The following L3MBTL3 variants were observed in gnomAD, a reference collection of about 807,000 sequenced individuals.
L3MBTL3 encodes the protein L3MBTL histone methyl-lysine binding protein 3.
A neutral mutation model predicts 102.3 loss-of-function variants in L3MBTL3; 27 were observed. The observed-to-expected ratio is 0.26, with a 90% CI of 0.19 to 0.36. The LOEUF is 0.36. Ranked by LOEUF, L3MBTL3 falls within the 10% of genes least tolerant of loss-of-function variation. The pLI is 1.00. For missense variants in L3MBTL3, 798 were observed against 955.3 expected (o/e 0.84, Z 2.17); for synonymous variants, 340 against 320.9 (o/e 1.06, Z -0.64).
rs140855410 is a variant in L3MBTL3, at chr6:130,139,763, A to G, written c.*10A>G. ...TCACAATGAACTTTGAAGATGGTGA[A>G]TTCTGAATACCATCAGCATTCTGCT... On this transcript the variant is annotated 3_prime_UTR_variant, in exon 23 of 23. Coordinates refer to ENST00000361794, the MANE Select transcript of L3MBTL3 (RefSeq NM_032438.4). The G allele has an allele frequency of 2.2e-3, 3,578 of 1,611,116 alleles. 19 individuals carry two copies. The highest frequency in any genetic ancestry group is 1.5e-3 in the Non-Finnish European group (1,743 of 1,178,486).
chr6:130,071,614 T>C (rs1412435285), intron 13 of L3MBTL3, among the ~76,000 whole-genome samples: 2 of 152,068 alleles, frequency 1.3e-5, no homozygotes, highest in Admixed American at 6.6e-5. Flanking sequence ...ATAAGGATTT[T>C]TCATACCAAA....
intron 19 of L3MBTL3, among the ~76,000 whole-genome samples, chr6:130,112,577 G>A (rs151168150): frequency 3.2e-4 from 48 of 152,120 alleles, no homozygotes; most frequent in African/African-American, 1.1e-3. Context: ...TGTTTGTGTC[G>A]AACACCAAAG....
chr6:130,121,071 T>A (rs1221041151), intron 20 of L3MBTL3, 113 bp downstream of exon 20: 1 of 711,550 alleles, frequency 1.4e-6, no homozygotes, highest in Non-Finnish European at 2.3e-6. Flanking sequence ...TTTTATTTTT[T>A]ATTTTTATTG....
intron 19 of L3MBTL3, among the ~76,000 whole-genome samples, chr6:130,117,874 T>G (rs1785832942): frequency 7.2e-6 from 1 of 139,852 alleles, no homozygotes; most frequent in Non-Finnish European, 1.6e-5. Flanking sequence ...TTTTTTTTTT[T>G]TTTTTTTTTT....
rs372026324 is a variant in L3MBTL3 at position 130,092,878 on chromosome 6, T to G, written c.1633+19T>G. 4.3e-6 allele frequency: 6 copies of G among 1,404,840 alleles called. No homozygotes were observed. In the African/African-American group the frequency reaches 8.5e-5, roughly 20 times the overall value. The allele number at this position is 1,404,840 out of a possible 1,614,324, so 87.0% of individuals were successfully genotyped here. A position where few individuals can be genotyped will look rare whatever the true frequency, so the allele number is the denominator to read the frequency against. Reference sequence around the variant, plus strand: ...CCTTTGAGTAAGAGACACGAATAGCTTGTATAAATGTTTCCATTTCCATAT... The same window carrying G: ...CCTTTGAGTAAGAGACACGAATAGCGTGTATAAATGTTTCCATTTCCATAT... On this transcript the variant is annotated intron_variant, in intron 17 of 22. Transcript: ENST00000361794.
In L3MBTL3 at chr6:130,126,865, C is replaced by G. The variant is rs190057169; in HGVS notation, c.1966+5907C>G. Among the ~76,000 whole-genome samples the G allele has an allele frequency of 2.5e-4, 38 of 152,172 alleles. 1 individual carries two copies. The highest frequency in any genetic ancestry group is 8.4e-4 in the African/African-American group (35 of 41,528). ...ATTAATGTGCATAAACGTGGGAGTCCTGCAAATATGAGACTCAAGTCCAAT... is the reference window on the plus strand; with the variant it reads ...ATTAATGTGCATAAACGTGGGAGTCGTGCAAATATGAGACTCAAGTCCAAT... On this transcript the variant is annotated intron_variant, in intron 20 of 22. Transcript: ENST00000361794.
At chr6:130,130,476 A>G (rs1322268509) in intron 20 of L3MBTL3, among the ~76,000 whole-genome samples, 2 of 152,224 alleles carry the variant, frequency 1.3e-5, no homozygotes, top group Non-Finnish European at 2.9e-5. Context: ...AAGCTGTCTT[A>G]TAAAATATGT....
At chr6:130,032,583 A>G (rs987205157) in intron 2 of L3MBTL3, among the ~76,000 whole-genome samples, 1 of 152,214 alleles carries the variant, frequency 6.6e-6, no homozygotes, top group East Asian at 1.9e-4. Context: ...ACTATCTGGT[A>G]AGTACTATGC....
rs1482674951 is a variant in L3MBTL3, at chr6:130,092,627, A to G, written c.1519-118A>G. On this transcript the variant is annotated intron_variant, in intron 16 of 22. Coordinates refer to ENST00000361794, the MANE Select transcript of L3MBTL3 (RefSeq NM_032438.4). ...GTATTTTGAATAATTGAACTGATTT[A>G]TTGGGTTTTAAATCTACTGTATGTG... 1.5e-5 allele frequency: 9 copies of G among 601,836 alleles called. No homozygotes were observed. In the African/African-American group the frequency reaches 1.7e-4, roughly 11 times the overall value. The allele number at this position is 601,836 out of a possible 1,614,324, so 37.3% of individuals were successfully genotyped here.
At chr6:130,042,037 C>T (rs1249189070) in intron 2 of L3MBTL3, among the ~76,000 whole-genome samples, 1 of 152,162 alleles carries the variant, frequency 6.6e-6, no homozygotes, top group Non-Finnish European at 1.5e-5. Context: ...CATCAGTTGT[C>T]TATGATACCA....
chr6:130,121,862 A>G (rs1353993367), intron 20 of L3MBTL3, among the ~76,000 whole-genome samples: 2 of 152,210 alleles, frequency 1.3e-5, no homozygotes, highest in African/African-American at 2.4e-5. Flanking sequence ...CCTGGCCAAC[A>G]CGGTGAAACC....
At chr6:130,023,430 C>CA (rs1488674655) in intron 2 of L3MBTL3, among the ~76,000 whole-genome samples, 1 of 152,144 alleles carries the variant, frequency 6.6e-6, no homozygotes, top group Non-Finnish European at 1.5e-5. Context: ...AGAGTAAAAT[C>CA]AGTTTCCTAA....
chr6:130,116,313 T>C (rs566002671), intron 19 of L3MBTL3, among the ~76,000 whole-genome samples: 2 of 152,248 alleles, frequency 1.3e-5, no homozygotes, highest in Non-Finnish European at 2.9e-5. Context: ...TTATCCTTGT[T>C]TTACCAATGA....
At chr6:130,079,575 C>T (rs1407839036) in intron 14 of L3MBTL3, among the ~76,000 whole-genome samples, 2 of 152,120 alleles carry the variant, frequency 1.3e-5, no homozygotes, top group Admixed American at 6.5e-5. Flanking sequence ...AGCATCCCTG[C>T]GCAGTAGACA....
intron 18 of L3MBTL3, among the ~76,000 whole-genome samples, chr6:130,103,774 C>A (rs562751574): frequency 6.6e-6 from 1 of 152,246 alleles, no homozygotes; most frequent in African/African-American, 2.4e-5. Context: ...CCAAATGAGA[C>A]CTGAGAGACC....
chr6:130,026,995 C>G (rs372292632), intron 2 of L3MBTL3, among the ~76,000 whole-genome samples: 76 of 152,126 alleles, frequency 5.0e-4, no homozygotes, highest in African/African-American at 1.8e-3. Context: ...AAGATGAAAA[C>G]AGGGAATATG....
intron 10 of L3MBTL3, among the ~76,000 whole-genome samples, chr6:130,064,041 G>A (rs1236600446): frequency 6.6e-6 from 1 of 152,188 alleles, no homozygotes; most frequent in Non-Finnish European, 1.5e-5. Context: ...CTTCACAAAC[G>A]TGGAATACAG....
intron 11 of L3MBTL3, among the ~76,000 whole-genome samples, chr6:130,066,981 G>A (rs952284470): frequency 5.9e-5 from 9 of 152,122 alleles, no homozygotes; most frequent in Admixed American, 3.9e-4. Context: ...TAGGTGGGGG[G>A]TTGAACTCAT....
intron 20 of L3MBTL3, among the ~76,000 whole-genome samples, chr6:130,126,324 C>A (rs1786607032): frequency 6.6e-6 from 1 of 152,156 alleles, no homozygotes; most frequent in South Asian, 2.1e-4. Context: ...TACTTTATAA[C>A]ATGCCAGATT....
Sources: allele counts gnomAD v4.1 joint callset (sites outside exome capture counted in the v4.1 genomes callset), GRCh38; gene constraint gnomAD v4.1.1; transcripts MANE v1.5; gene names NCBI Gene and HGNC (gene_info 2026-07-23, HGNC 2026-07-21).